CAP2: variants seen among roughly 807,000 people sequenced by gnomAD.
The protein encoded by CAP2 is adenylyl cyclase-associated protein 2.
Under a neutral mutation model 57.7 loss-of-function variants are expected in CAP2, and 24 were observed. That is an observed-to-expected ratio of 0.42 (90% CI 0.30 to 0.58). CAP2 has a LOEUF of 0.58. Among genes scored for constraint, CAP2 ranks in the 20% least tolerant of loss-of-function variants. The probability of loss-of-function intolerance (pLI) is 0.22; values close to 1 mark genes in which losing one functional copy is unlikely to be tolerated. For missense variants in CAP2, 501 were observed against 590.3 expected, an observed-to-expected ratio of 0.85 and a Z score of 1.57; for synonymous variants, 194 against 207.2, an observed-to-expected ratio of 0.94 and a Z score of 0.55.
chr6:17,533,398 A>G (rs1306801053), intron 7 of CAP2, among the ~76,000 whole-genome samples: 1 of 152,086 alleles, frequency 6.6e-6, no homozygotes, highest in Admixed American at 6.6e-5. Context: ...AGCTTTTTAA[A>G]AAGTCTTTGT....
intron 1 of CAP2, among the ~76,000 whole-genome samples, chr6:17,407,923 G>T (rs961198834): frequency 2.6e-5 from 4 of 152,076 alleles, no homozygotes; most frequent in African/African-American, 9.7e-5. Flanking sequence ...TGGATTTGTT[G>T]GTAATTTCTA....
At chr6:17,499,884 C>T (rs1247813175) in intron 4 of CAP2, among the ~76,000 whole-genome samples, 1 of 96,174 alleles carries the variant, frequency 1.0e-5, no homozygotes, top group African/African-American at 4.8e-5. Flanking sequence ...TAAATAAAAG[C>T]AAATATAGTA....
At chr6:17,433,867 T>C (rs1278479570) in intron 3 of CAP2, among the ~76,000 whole-genome samples, 1 of 152,206 alleles carries the variant, frequency 6.6e-6, no homozygotes, top group African/African-American at 2.4e-5. Context: ...TTAAAGTTTG[T>C]TTCTAGAGCA....
At chr6:17,400,922 G>A (rs1450463910) in intron 1 of CAP2, among the ~76,000 whole-genome samples, 1 of 151,268 alleles carries the variant, frequency 6.6e-6, no homozygotes, top group South Asian at 2.1e-4. Context: ...TTTATCCTAA[G>A]GCAACAAGAA....
chr6:17,465,750 A>G (rs189703507), intron 4 of CAP2, among the ~76,000 whole-genome samples: 134 of 152,258 alleles, frequency 8.8e-4, no homozygotes, highest in African/African-American at 3.0e-3. Context: ...TGGACAGGAG[A>G]ACTACAACCA....
At chr6:17,430,543 T>G (rs1561780516) in intron 3 of CAP2, among the ~76,000 whole-genome samples, 1 of 151,390 alleles carries the variant, frequency 6.6e-6, no homozygotes, top group African/African-American at 2.4e-5. Flanking sequence ...ACTTTGGGTT[T>G]TTTTTTTTTT....
intron 1 of CAP2, among the ~76,000 whole-genome samples, chr6:17,412,387 T>G (rs868757734): frequency 3.0e-4 from 46 of 152,186 alleles, no homozygotes; most frequent in African/African-American, 1.1e-3. Flanking sequence ...GAAGAAGGAA[T>G]GAGTTCGTAT....
At chr6:17,498,750 A>G (rs1362556231) in intron 4 of CAP2, among the ~76,000 whole-genome samples, 2 of 151,646 alleles carry the variant, frequency 1.3e-5, no homozygotes, top group African/African-American at 4.8e-5. Context: ...TTTTTTTGAG[A>G]TGGAGTCTTG....
At position 17,483,803 on chromosome 6, in the gene CAP2, C is replaced by T. The variant is rs920446589; in HGVS notation, c.300+20730C>T. ...GGGGTGTTTTCCCCGGCATGGCTGA[C>T]GGGGTTGTTTTCACACCAGGAGCCA... On this transcript the variant is annotated intron_variant, in intron 4 of 12. Coordinates refer to ENST00000229922, the MANE Select transcript of CAP2 (RefSeq NM_006366.3). Among the ~76,000 whole-genome samples, 4 of 152,006 alleles carry T rather than the reference C, an allele frequency of 2.6e-5. 1 individual carries two copies. Among genetic ancestry groups the T allele is most frequent in the Admixed American group, 2.6e-4 (4 of 15,272 alleles).
chr6:17,424,745 C>T (rs920963398), intron 2 of CAP2, among the ~76,000 whole-genome samples: 9 of 152,166 alleles, frequency 5.9e-5, no homozygotes. Flanking sequence ...ACAGGTCTGC[C>T]CGCAGGAGGT....
rs371716661 is a variant in CAP2, at chr6:17,436,299, T to A, written c.222+9609T>A. 3.2e-4 allele frequency among the ~76,000 whole-genome samples: 48 copies of A among 152,138 alleles called. No individual in the cohort carries two copies. The East Asian group carries it at 9.1e-3, about 29-fold the overall frequency. Reference sequence around the variant, plus strand: ...CCACCCTTCCAGCTAATTTGTTTTTTCTTTTGTGTTTTTAGTAGAGACAAG... The same window carrying A: ...CCACCCTTCCAGCTAATTTGTTTTTACTTTTGTGTTTTTAGTAGAGACAAG... On this transcript the variant is annotated intron_variant, in intron 3 of 12. Coordinates refer to ENST00000229922, the MANE Select transcript of CAP2 (RefSeq NM_006366.3).
Position 17,417,796 on chromosome 6 carries a change from TTC to T in CAP2, c.-1-3755_-1-3754del, listed in dbSNP as rs563764994. On this transcript the variant is annotated intron_variant, in intron 1 of 12. Transcript: ENST00000229922. ...TTCATTCTCCAGCTGTGAATCTGGC[TTC>T]TCTTTGTTCTTCACTGGGTTCTTAG... Among the ~76,000 whole-genome samples, 68 of 152,296 alleles carry T rather than the reference TTC, an allele frequency of 4.5e-4. 2 individuals carry two copies. The South Asian group carries it at 0.013, about 30-fold the overall frequency.
At chr6:17,514,406 G>A (rs9367952) in intron 7 of CAP2, among the ~76,000 whole-genome samples, 1 of 151,632 alleles carries the variant, frequency 6.6e-6, no homozygotes, top group African/African-American at 2.4e-5. Context: ...GTCATTTGTT[G>A]TAGGAGAAAT....
intron 7 of CAP2, among the ~76,000 whole-genome samples, chr6:17,515,426 G>T (rs1394872556): frequency 6.6e-6 from 1 of 152,044 alleles, no homozygotes; most frequent in African/African-American, 2.4e-5. Flanking sequence ...TGGACATAAA[G>T]ACGGGAAAAA....
At chr6:17,496,853 G>T (rs563036831) in intron 4 of CAP2, among the ~76,000 whole-genome samples, 1 of 152,114 alleles carries the variant, frequency 6.6e-6, no homozygotes, top group Non-Finnish European at 1.5e-5. Context: ...TTTCAGCCAC[G>T]TTCTACATAA....
At chr6:17,518,493 C>T (rs919486045) in intron 7 of CAP2, among the ~76,000 whole-genome samples, 15 of 152,100 alleles carry the variant, frequency 9.9e-5, no homozygotes, top group Non-Finnish European at 2.1e-4. Flanking sequence ...AAAAATAAAG[C>T]AAGACCATTT....
chr6:17,502,461 G>A (rs1419403169), intron 4 of CAP2, among the ~76,000 whole-genome samples: 1 of 151,634 alleles, frequency 6.6e-6, no homozygotes, highest in Admixed American at 6.6e-5. Flanking sequence ...AAGCACTAAT[G>A]TTTATTAGAG....
chr6:17,399,898 G>A lies in CAP2; in HGVS notation c.-2+6152G>A, dbSNP rs527470819. On this transcript the variant is annotated intron_variant, in intron 1 of 12. Coordinates refer to ENST00000229922, the MANE Select transcript of CAP2 (RefSeq NM_006366.3). Reference sequence around the variant, plus strand: ...AGTTCTGAAGAGGAAGATGGTTCCTGGGGAAGTTAGATGCTGGAGACACCA... The same window carrying A: ...AGTTCTGAAGAGGAAGATGGTTCCTAGGGAAGTTAGATGCTGGAGACACCA... Among the ~76,000 whole-genome samples the A allele has an allele frequency of 2.0e-5, 3 of 152,224 alleles. No individual in the cohort carries two copies. The East Asian group carries it at 5.8e-4, about 29-fold the overall frequency.
chr6:17,491,695 A>T (rs1180134468), intron 4 of CAP2, among the ~76,000 whole-genome samples: 2 of 152,156 alleles, frequency 1.3e-5, no homozygotes, highest in Admixed American at 6.6e-5. Flanking sequence ...TCTGGGTCCA[A>T]ATCTCAGTTC....
Sources: gnomAD v4.1 joint callset for allele counts (sites outside exome capture counted in the v4.1 genomes callset) on GRCh38, gnomAD v4.1.1 for gene constraint, MANE v1.5 for transcripts, NCBI Gene and HGNC (gene_info 2026-07-23, HGNC 2026-07-21) for gene names.